PHYKPL: variants seen among roughly 807,000 people sequenced by gnomAD.
The protein encoded by PHYKPL is 5-phosphonooxy-L-lysine phospho-lyase.
A neutral mutation model predicts 51.3 loss-of-function variants in PHYKPL; 42 were observed. That is an observed-to-expected ratio of 0.82 (90% CI 0.64 to 1.06). The LOEUF is 1.06. PHYKPL is among the 50% of genes least tolerant of loss of function. The pLI, the probability that PHYKPL is intolerant of heterozygous loss-of-function variation, is 0.00. For synonymous variants in PHYKPL, 264 were observed against 236.0 expected (o/e 1.12, Z -1.09); for missense variants, 655 against 586.6 (o/e 1.12, Z -1.20).
Position 178,215,295 on chromosome 5 carries a change from G to T in PHYKPL, c.1063C>A (p.Pro355Thr). 1 of 1,614,094 alleles carries T rather than the reference G, an allele frequency of 6.2e-7. No homozygotes were observed. Among genetic ancestry groups the T allele is most frequent in the Non-Finnish European group, 8.5e-7 (1 of 1,179,984 alleles). ...QLLGQQKIKH[P>T]IVGDVRGVGL... ...CCTCACCTGACATCCCCGACGATGG[G>T]ATGTTTGATTTTTTGCTGCCCGAGG... The change falls in exon 9 of 13, where the codon CCC becomes ACC. Residue 355 changes from proline (P) to threonine (T), a missense_variant. Coordinates refer to ENST00000308158, the MANE Select transcript of PHYKPL (RefSeq NM_153373.4).
chr5:178,225,811 G>T, intron 3 of PHYKPL: 2 of 232,110 alleles, frequency 8.6e-6, no homozygotes, highest in Non-Finnish European at 1.8e-5. Flanking sequence ...GTTCTGCAGC[G>T]GACACCAGTT....
chr5:178,213,217 C>T, intron 10 of PHYKPL, 114 bp from the exon 11 acceptor site: 1 of 1,396,842 alleles, frequency 7.2e-7, no homozygotes, highest in Non-Finnish European at 9.7e-7. Flanking sequence ...TGGGCCAGTT[C>T]CTGCCAGGTC....
chr5:178,224,627 T>C lies in PHYKPL; in HGVS notation c.501+15A>G, dbSNP rs770329789. ...GGACAGGCACCGACCTGTTGTTGAG[T>C]TGGGCAGTGCATACCACGTGGACCC... On this transcript the variant is annotated intron_variant, in intron 5 of 12. Transcript: ENST00000308158. 4 of 1,614,062 alleles carry C rather than the reference T, an allele frequency of 2.5e-6. No individual in the cohort carries two copies. The highest frequency in any genetic ancestry group is 3.4e-6 in the Non-Finnish European group (4 of 1,180,014).
chr5:178,230,248 G>A (rs1047766700), intron 2 of PHYKPL, 149 bp from the exon 3 acceptor site: 3 of 936,864 alleles, frequency 3.2e-6, no homozygotes, highest in African/African-American at 1.7e-5. Context: ...AGAGCAGGGA[G>A]AGAGAAGCTG....
At chr5:178,222,323 T>C (rs1468573275) in intron 8 of PHYKPL, 32 bp downstream of exon 8, 8 of 1,580,350 alleles carry the variant, frequency 5.1e-6, no homozygotes, top group Non-Finnish European at 4.3e-6. Context: ...TCAGAACCCA[T>C]GTTGCTCCCT....
chr5:178,228,782 C>G (rs1399900773), intron 3 of PHYKPL, among the ~76,000 whole-genome samples: 1 of 152,226 alleles, frequency 6.6e-6, no homozygotes, highest in Non-Finnish European at 1.5e-5. Flanking sequence ...TGTGAGCTAC[C>G]ATGACCTTTC....
intron 3 of PHYKPL, among the ~76,000 whole-genome samples, chr5:178,226,889 G>A (rs1012447714): frequency 6.6e-5 from 10 of 152,040 alleles, no homozygotes; most frequent in Admixed American, 3.3e-4. Flanking sequence ...AAATGAATGC[G>A]TGTGTTTGTA....
At chr5:178,209,103 G>A (rs1243633040) in intron 12 of PHYKPL, among the ~76,000 whole-genome samples, 188 bp from the exon 13 acceptor site, 1 of 152,210 alleles carries the variant, frequency 6.6e-6, no homozygotes, top group Non-Finnish European at 1.5e-5. Context: ...GGGCTGAGAT[G>A]CCCATCTCAA....
chr5:178,227,401 T>A (rs888786822), intron 3 of PHYKPL, among the ~76,000 whole-genome samples: 1 of 152,180 alleles, frequency 6.6e-6, no homozygotes, highest in Non-Finnish European at 1.5e-5. Context: ...CAGTCTCTGG[T>A]ATTTTCTTAT....
rs757662992 is a variant in PHYKPL, at chr5:178,210,153, A to T, written c.*32-1238T>A. On this transcript the variant is annotated intron_variant, in intron 12 of 12. Coordinates refer to ENST00000308158, the MANE Select transcript of PHYKPL (RefSeq NM_153373.4). ...ACAGGTCAGAGTCAGAGTTGGAATC[A>T]GGGCTACGGCAACTACTGGAACCAG... is the stretch of plus-strand genomic sequence containing the variant. The T allele has an allele frequency of 5.6e-6, 9 of 1,613,930 alleles. No homozygotes were observed. The Admixed American group carries it at 8.3e-5, about 15-fold the overall frequency.
At chr5:178,212,931 C>CT in intron 11 of PHYKPL, 42 bp downstream of exon 11, 1 of 1,607,220 alleles carries the variant, frequency 6.2e-7, no homozygotes. Context: ...TGGCTTCAGG[C>CT]TGAGTTCTAG....
Position 178,220,065 on chromosome 5 carries a change from T to C in PHYKPL, c.927+2290A>G, listed in dbSNP as rs150793394. On this transcript the variant is annotated intron_variant, in intron 8 of 12. Transcript: ENST00000308158. ...AAAAAATTAGCTGGGCATGGTAGCA[T>C]GCACCGGTGGTCCCAGGTACTTGGC... 2.0e-3 allele frequency among the ~76,000 whole-genome samples: 301 copies of C among 151,600 alleles called. 3 individuals carry two copies. The highest frequency in any genetic ancestry group is 6.9e-3 in the African/African-American group (284 of 41,330).
At chr5:178,213,928 A>G (rs1452702220) in intron 10 of PHYKPL, among the ~76,000 whole-genome samples, 1 of 152,160 alleles carries the variant, frequency 6.6e-6, no homozygotes, top group East Asian at 1.9e-4. Context: ...TGAACTGGAA[A>G]AGCACCCCCA....
rs552037250 is a variant in PHYKPL at position 178,225,344 on chromosome 5, G to A, written c.413+11C>T. The A allele has an allele frequency of 6.2e-7, 1 of 1,614,180 alleles. No homozygotes were observed. Among genetic ancestry groups the A allele is most frequent in the South Asian group, 1.1e-5 (1 of 91,074 alleles). ...GCTTCTGGGAACGGTAGGGCTGTGA[G>A]TTGCACTTACTGATCTAATACCACC... On this transcript the variant is annotated intron_variant, in intron 4 of 12. Transcript: ENST00000308158.
At chr5:178,221,402 A>G (rs1761148828) in intron 8 of PHYKPL, among the ~76,000 whole-genome samples, 1 of 152,046 alleles carries the variant, frequency 6.6e-6, no homozygotes, top group Non-Finnish European at 1.5e-5. Context: ...GTGCTCTCAC[A>G]GCACCGTGAA....
At chr5:178,230,160 C>T (rs917389642) in intron 2 of PHYKPL, 61 bp from the exon 3 acceptor site, 11 of 1,598,592 alleles carry the variant, frequency 6.9e-6, no homozygotes, top group South Asian at 1.1e-5. Flanking sequence ...ACTGGGCCTC[C>T]CCCAGCCCCA....
intron 12 of PHYKPL, chr5:178,210,553 G>T: frequency 6.2e-7 from 1 of 1,613,996 alleles, no homozygotes; most frequent in Non-Finnish European, 8.5e-7. Context: ...TCGTCCCTAG[G>T]TCAGGGTAGT....
At chr5:178,229,838 C>G in intron 3 of PHYKPL, 102 bp downstream of exon 3, 1 of 1,461,172 alleles carries the variant, frequency 6.8e-7, no homozygotes, top group Non-Finnish European at 9.3e-7. Context: ...GGCTGCCTCT[C>G]CGAGTCCACA....
chr5:178,224,737 G>A lies in PHYKPL; in HGVS notation c.414-8C>T, dbSNP rs765162287. The A allele has an allele frequency of 5.0e-6, 8 of 1,608,714 alleles. No homozygotes were observed. The South Asian group carries it at 7.7e-5, about 15-fold the overall frequency. ...AGGTGGCCGTGATACGCACTGGGGA[G>A]GAGAAGGGAGGGTAGGCTCGGGTCC... On this transcript the variant is annotated splice_polypyrimidine_tract_variant and splice_region_variant and intron_variant, in intron 4 of 12. Coordinates refer to ENST00000308158, the MANE Select transcript of PHYKPL (RefSeq NM_153373.4).
Sources: allele counts gnomAD v4.1 joint callset (sites outside exome capture counted in the v4.1 genomes callset), GRCh38; gene constraint gnomAD v4.1.1; transcripts MANE v1.5; gene names NCBI Gene and HGNC (gene_info 2026-07-23, HGNC 2026-07-21).